The following PPP2R2B variants were observed in gnomAD, a reference collection of about 807,000 sequenced individuals.
PPP2R2B encodes the protein serine/threonine-protein phosphatase 2A 55 kDa regulatory subunit B beta isoform.
In PPP2R2B, 5 loss-of-function variants were observed where a neutral mutation model predicts 46.0. The observed-to-expected ratio is 0.11, with a 90% confidence interval of 0.06 to 0.23. PPP2R2B has a LOEUF of 0.23. Ranked by LOEUF, PPP2R2B falls within the 10% of genes least tolerant of loss-of-function variation. PPP2R2B has a pLI of 1.00. For missense variants in PPP2R2B, 367 were observed against 575.0 expected (o/e 0.64, Z 3.70); for synonymous variants, 215 against 206.7 (o/e 1.04, Z -0.34).
chr5:146,683,775 T>G (rs553778513), intron 5 of PPP2R2B, among the ~76,000 whole-genome samples: 3 of 152,178 alleles, frequency 2.0e-5, no homozygotes, highest in Non-Finnish European at 4.4e-5. Context: ...GAGGGCTTTC[T>G]GATCCCATAA....
At chr5:146,926,959 C>T (rs1332414986) in intron 1 of PPP2R2B, among the ~76,000 whole-genome samples, 1 of 152,136 alleles carries the variant, frequency 6.6e-6, no homozygotes, top group South Asian at 2.1e-4. Context: ...GACAACTTTG[C>T]TTGGTGTCTG....
chr5:146,974,229 C>G (rs1297800077), intron 1 of PPP2R2B, among the ~76,000 whole-genome samples: 2 of 152,124 alleles, frequency 1.3e-5, no homozygotes, highest in Non-Finnish European at 2.9e-5. Context: ...AGGTTTAGTT[C>G]ACACTACTAC....
At chr5:147,080,974 T>C (rs940740754) in intron 2 of PPP2R2B, 1 of 1,312,920 alleles carries the variant, frequency 7.6e-7, no homozygotes, top group African/African-American at 1.5e-5. Context: ...CTTAGATTCA[T>C]GAAAGTAAAG....
chr5:146,899,131 C>T (rs1762740614), intron 1 of PPP2R2B, among the ~76,000 whole-genome samples: 2 of 150,048 alleles, frequency 1.3e-5, no homozygotes, highest in South Asian at 2.1e-4. Context: ...TGGGTATATA[C>T]CCAAAGGACT....
chr5:146,785,366 G>A, intron 2 of PPP2R2B, among the ~76,000 whole-genome samples: 1 of 152,104 alleles, frequency 6.6e-6, no homozygotes, highest in East Asian at 1.9e-4. Flanking sequence ...GGGCAACATA[G>A]TGAAACGCTG....
chr5:146,934,069 T>C (rs1328956515), intron 1 of PPP2R2B, among the ~76,000 whole-genome samples: 2 of 152,096 alleles, frequency 1.3e-5, no homozygotes, highest in African/African-American at 4.8e-5. Flanking sequence ...ATTTTCTTAA[T>C]CAAGTCTATC....
intron 1 of PPP2R2B, among the ~76,000 whole-genome samples, chr5:146,983,798 C>A (rs1753298874): frequency 6.6e-6 from 1 of 151,904 alleles, no homozygotes; most frequent in South Asian, 2.1e-4. Context: ...TTCTTCCTTC[C>A]TCATAAGGTA....
chr5:146,870,718 C>T (rs1761567728), intron 2 of PPP2R2B, among the ~76,000 whole-genome samples: 2 of 152,202 alleles, frequency 1.3e-5, no homozygotes, highest in Admixed American at 6.5e-5. Context: ...CAGGTTAAAA[C>T]CTGTTCATAA....
intron 5 of PPP2R2B, among the ~76,000 whole-genome samples, chr5:146,674,682 C>T (rs189483518): frequency 1.3e-5 from 2 of 152,156 alleles, no homozygotes; most frequent in Admixed American, 1.3e-4. Context: ...TCATTGGCAG[C>T]AGGAATATCT....
intron 2 of PPP2R2B, among the ~76,000 whole-genome samples, chr5:147,068,294 T>A (rs1179772224): frequency 1.3e-5 from 2 of 152,134 alleles, no homozygotes; most frequent in East Asian, 3.9e-4. Flanking sequence ...AGGAGTAAAG[T>A]GAAGCTAAAT....
rs951180417 is a variant in PPP2R2B, at chr5:146,691,164, G to A, written c.411C>T (p.Gly137=). ...TGATGGTGGCAGGATCCCGGAGCCG[G>A]CCCTCCTCATCTTTCAGATTGTAGC... is the stretch of plus-strand genomic sequence containing the variant. ...PEGYNLKDEE[G]RLRDPATITT... Residue 137 remains glycine (G), a synonymous_variant, in exon 5 of 10, where the codon GGC becomes GGT. Coordinates refer to ENST00000394411, the MANE Select transcript of PPP2R2B (RefSeq NM_181675.4). 1 of 1,614,120 alleles carries A rather than the reference G, an allele frequency of 6.2e-7. No homozygotes were observed. Among genetic ancestry groups the A allele is most frequent in the East Asian group, 2.2e-5 (1 of 44,880 alleles).
chr5:146,971,256 G>A (rs1211316678), intron 1 of PPP2R2B, among the ~76,000 whole-genome samples: 3 of 152,026 alleles, frequency 2.0e-5, no homozygotes, highest in Admixed American at 6.6e-5. Context: ...TTTCCCTCTC[G>A]GCATATTCCA....
At chr5:147,055,778 A>C in exon 1 of PPP2R2B, 1 of 1,571,846 alleles carries the variant, frequency 6.4e-7, no homozygotes, top group Non-Finnish European at 8.6e-7. Context: ...AAATAAAAAA[A>C]CAGTCTCCTG....
rs1184795008 is a variant in PPP2R2B at position 146,764,833 on chromosome 5, C to T, written c.71-63691G>A. Among the ~76,000 whole-genome samples the T allele has an allele frequency of 4.1e-5, 6 of 146,860 alleles. No individual in the cohort carries two copies. The East Asian group carries it at 5.8e-4, about 14-fold the overall frequency. On this transcript the variant is annotated intron_variant, in intron 2 of 9. Coordinates refer to ENST00000394411, the MANE Select transcript of PPP2R2B (RefSeq NM_181675.4). ...AGAGAGAGAGAGAGAGAGAGATACA[C>T]GCACACACACACGCACACGCACACG...
intron 2 of PPP2R2B, among the ~76,000 whole-genome samples, chr5:146,723,960 C>A (rs1351453762): frequency 6.6e-6 from 1 of 152,256 alleles, no homozygotes; most frequent in South Asian, 2.1e-4. Flanking sequence ...TTCGTGCCAA[C>A]ATTTCCTGAG....
intron 1 of PPP2R2B, among the ~76,000 whole-genome samples, chr5:146,929,192 T>C (rs534528319): frequency 1.3e-5 from 2 of 152,304 alleles, no homozygotes; most frequent in South Asian, 4.1e-4. Flanking sequence ...ATTTCTGTTC[T>C]TTTCACAGCA....
At chr5:146,749,907 T>C (rs1753448928) in intron 2 of PPP2R2B, among the ~76,000 whole-genome samples, 1 of 152,142 alleles carries the variant, frequency 6.6e-6, no homozygotes, top group South Asian at 2.1e-4. Flanking sequence ...CAATTTCCTT[T>C]TTTTTCTAAG....
rs1195566402 is a variant in PPP2R2B at position 146,586,998 on chromosome 5, C to G, written c.*2949G>C. The G allele has an allele frequency of 6.6e-6, 1 of 152,146 alleles. No individual in the cohort carries two copies. The highest frequency in any genetic ancestry group is 1.5e-5 in the Non-Finnish European group (1 of 68,050). The allele number at this position is 152,146 out of a possible 1,614,324, so 9.4% of individuals were successfully genotyped here. On this transcript the variant is annotated 3_prime_UTR_variant, in exon 10 of 10. Transcript: ENST00000394411. ...CCAGGGATGGCGTGGCTTCCATTTT[C>G]CTTCATTCAACTGACACCCTCCAGT...
chr5:146,995,767 G>A (rs1040877857), intron 1 of PPP2R2B, among the ~76,000 whole-genome samples: 1 of 152,112 alleles, frequency 6.6e-6, no homozygotes. Flanking sequence ...CCAGAACAGG[G>A]GAAATGTCAG....
Sources: allele counts gnomAD v4.1 joint callset (sites outside exome capture counted in the v4.1 genomes callset), GRCh38; gene constraint gnomAD v4.1.1; transcripts MANE v1.5; gene names NCBI Gene and HGNC (gene_info 2026-07-23, HGNC 2026-07-21).